TSPEAR: variants seen among roughly 807,000 people sequenced by gnomAD.
TSPEAR encodes thrombospondin type laminin G domain and EAR repeats, also known as thrombospondin-type laminin G domain and EAR repeat-containing protein.
In TSPEAR, 69 loss-of-function variants were observed where a neutral mutation model predicts 71.6. The ratio of observed to expected loss-of-function variants is 0.96; its 90% CI spans 0.79 to 1.18. TSPEAR has a LOEUF of 1.18. Ranked by LOEUF, TSPEAR falls within the 50% of genes most tolerant of loss-of-function variation. The probability of loss-of-function intolerance (pLI) is 0.00; values close to 1 mark genes in which losing one functional copy is unlikely to be tolerated. For synonymous variants in TSPEAR, 402 were observed against 387.2 expected, an observed-to-expected ratio of 1.04 and a Z score of -0.45; for missense variants, 971 against 894.9, an observed-to-expected ratio of 1.09 and a Z score of -1.09.
Position 44,642,168 on chromosome 21 carries a change from T to TAA in TSPEAR, c.82+69263_82+69264dup. Among the ~76,000 whole-genome samples, 1 of 152,252 alleles carries TAA rather than the reference T, an allele frequency of 6.6e-6. No individual in the cohort carries two copies. Among genetic ancestry groups the TAA allele is most frequent in the East Asian group, 1.9e-4 (1 of 5,180 alleles). ...TAAATGTACTGTGTCCTAAAAAATA[T>TAA]AAATTACCTACCCTGAGTAACAAGA... On this transcript the variant is annotated intron_variant, in intron 1 of 11. Coordinates refer to ENST00000323084, the MANE Select transcript of TSPEAR (RefSeq NM_144991.3). This position sits in a 1 kb window ranked among gnomAD's most constrained non-coding sequence, Gnocchi z 4.1.
chr21:44,611,053 G>T (rs933670447), intron 1 of TSPEAR, among the ~76,000 whole-genome samples: 3 of 152,184 alleles, frequency 2.0e-5, no homozygotes, highest in Non-Finnish European at 4.4e-5. Context: ...GCTCATAGGT[G>T]GAAGAGACTT....
At chr21:44,573,177 A>G (rs1978290345) in intron 1 of TSPEAR, among the ~76,000 whole-genome samples, 2 of 152,266 alleles carry the variant, frequency 1.3e-5, no homozygotes, top group South Asian at 4.1e-4. Context: ...GACTCACATT[A>G]TCTTTACTTA....
chr21:44,569,220 G>A (rs1222528172), intron 1 of TSPEAR, among the ~76,000 whole-genome samples: 8 of 152,204 alleles, frequency 5.3e-5, no homozygotes, highest in African/African-American at 1.9e-4. Flanking sequence ...AGCCTACCCT[G>A]GAAAAGCATC....
rs587635999 is a variant in TSPEAR, at chr21:44,602,763, G to A, written c.83-34758C>T. On this transcript the variant is annotated intron_variant, in intron 1 of 11. Transcript: ENST00000323084. ...GCGTCCCAGCTGCTTGCAGAGGAGTGAGGCGCGTCCTGCGTGACCCCCACC... is the reference window on the plus strand; with the variant it reads ...GCGTCCCAGCTGCTTGCAGAGGAGTAAGGCGCGTCCTGCGTGACCCCCACC... Among the ~76,000 whole-genome samples the A allele has an allele frequency of 1.2e-4, 18 of 152,284 alleles. No homozygotes were observed. The South Asian group carries it at 3.5e-3, about 30-fold the overall frequency.
chr21:44,632,426 C>T (rs1983309168), intron 1 of TSPEAR, among the ~76,000 whole-genome samples: 1 of 152,168 alleles, frequency 6.6e-6, no homozygotes, highest in South Asian at 2.1e-4. Context: ...GAAATTAGGA[C>T]ACTTCTGGAT....
At chr21:44,630,800 G>A (rs1983212797) in intron 1 of TSPEAR, among the ~76,000 whole-genome samples, 1 of 152,214 alleles carries the variant, frequency 6.6e-6, no homozygotes, top group African/African-American at 2.4e-5. Flanking sequence ...GACTCCAGGT[G>A]TTTAAGAAAC....
At position 44,612,198 on chromosome 21, in the gene TSPEAR, C is replaced by A. The variant is rs587667395; in HGVS notation, c.83-44193G>T. 1.2e-6 allele frequency: 2 copies of A among 1,614,000 alleles called. No homozygotes were observed. Among genetic ancestry groups the A allele is most frequent in the African/African-American group, 2.7e-5 (2 of 75,024 alleles). ...GGCCATGTCAGCCGAGTCTCCTCCC[C>A]CAGCACCTGCACTGGCTCCTCCTGG... is the stretch of plus-strand genomic sequence containing the variant. On this transcript the variant is annotated intron_variant, in intron 1 of 11. Transcript: ENST00000323084. This position sits in a 1 kb window ranked among gnomAD's most constrained non-coding sequence, Gnocchi z 4.1.
At chr21:44,545,410 G>C (rs2053288474) in intron 2 of TSPEAR, among the ~76,000 whole-genome samples, 1 of 151,928 alleles carries the variant, frequency 6.6e-6, no homozygotes, top group South Asian at 2.1e-4. Flanking sequence ...CCCCTAAACA[G>C]GTCTAACGTA....
At chr21:44,581,781 C>T (rs1156657535) in intron 1 of TSPEAR, among the ~76,000 whole-genome samples, 2 of 152,202 alleles carry the variant, frequency 1.3e-5, no homozygotes, top group African/African-American at 4.8e-5. Context: ...TTATGTTGAG[C>T]ATTTAAACGT....
intron 1 of TSPEAR, chr21:44,654,198 G>A (rs1984981150): frequency 1.7e-6 from 2 of 1,183,232 alleles, no homozygotes; most frequent in Admixed American, 1.8e-5. Context: ...GGGAGGATGT[G>A]GGGACTGCCT....
chr21:44,675,955 T>A (rs1986294834), intron 1 of TSPEAR: 1 of 820,776 alleles, frequency 1.2e-6, no homozygotes, highest in Non-Finnish European at 2.2e-6. Flanking sequence ...TTTCTAGGGT[T>A]ATTCGGGCTT....
intron 1 of TSPEAR, chr21:44,676,517 C>A (rs73234834): frequency 1.3e-6 from 1 of 767,922 alleles, no homozygotes. Context: ...CTGGCATAGG[C>A]GGTATTTATA....
chr21:44,700,300 G>A (rs369525059), intron 1 of TSPEAR, among the ~76,000 whole-genome samples: 3 of 152,178 alleles, frequency 2.0e-5, no homozygotes, highest in East Asian at 1.9e-4. Context: ...GGCTGGGGTC[G>A]TGCTGGGTGT....
At chr21:44,532,386 T>C (rs2052991000) in intron 3 of TSPEAR, among the ~76,000 whole-genome samples, 1 of 152,200 alleles carries the variant, frequency 6.6e-6, no homozygotes, top group Non-Finnish European at 1.5e-5. Context: ...AGGACTTTCT[T>C]TACGGGGTGG....
At position 44,506,804 on chromosome 21, in the gene TSPEAR, C is replaced by T. The variant is rs918703953; in HGVS notation, c.1755-1923G>A. On this transcript the variant is annotated intron_variant, in intron 10 of 11. Coordinates refer to ENST00000323084, the MANE Select transcript of TSPEAR (RefSeq NM_144991.3). The surrounding 1 kb of genome is among the most constrained non-coding windows in gnomAD (Gnocchi z 4.2). ...CAGACCCGAGGAAGACAAGCGGCCA[C>T]GTCGGATGTACCAGTGGTGGAAGAT... 6.6e-6 allele frequency: 1 copy of T among 152,158 alleles called. No homozygotes were observed. The highest frequency in any genetic ancestry group is 2.4e-5 in the African/African-American group (1 of 41,440). 9.4% of individuals were successfully genotyped at this position (152,158 alleles called of 1,614,324 possible).
chr21:44,614,168 C>T (rs1981914694), intron 1 of TSPEAR, among the ~76,000 whole-genome samples: 3 of 152,210 alleles, frequency 2.0e-5, no homozygotes, highest in Admixed American at 2.0e-4. Context: ...TCAAGCCCCC[C>T]GCCCACTGCT....
rs116122830 is a variant in TSPEAR at position 44,527,028 on chromosome 21, C to T, written c.1149+264G>A. 3.1e-3 allele frequency among the ~76,000 whole-genome samples: 466 copies of T among 152,290 alleles called. 4 individuals carry two copies. Among genetic ancestry groups the T allele is most frequent in the African/African-American group, 0.01 (432 of 41,564 alleles). ...TCTCAACAGGTTTTAAATGTAGTGA[C>T]GAGGGGTCTATGTAGAACGAGATGG... On this transcript the variant is annotated intron_variant, in intron 7 of 11. Transcript: ENST00000323084.
intron 1 of TSPEAR, chr21:44,677,507 A>G: frequency 1.2e-6 from 1 of 819,504 alleles, no homozygotes; most frequent in Non-Finnish European, 2.1e-6. Context: ...CCTCTTGTGC[A>G]AGGCAAGCTG....
At chr21:44,697,111 C>A in intron 1 of TSPEAR, 2 of 1,562,694 alleles carry the variant, frequency 1.3e-6, no homozygotes, top group South Asian at 1.2e-5. Flanking sequence ...CCCAGACACT[C>A]ACTCACTCCC....
Sources: gnomAD v4.1 joint callset for allele counts (sites outside exome capture counted in the v4.1 genomes callset) on GRCh38, gnomAD v4.1.1 for gene constraint, Gnocchi (gnomAD v3.1) non-coding constraint, MANE v1.5 for transcripts, NCBI Gene and HGNC (gene_info 2026-07-23, HGNC 2026-07-21) for gene names.